ZNF480: variants seen among roughly 807,000 people sequenced by gnomAD.
The protein encoded by ZNF480 is zinc finger protein 480.
ZNF480 carries 15 observed loss-of-function variants against 14.4 expected under a neutral mutation model. The observed-to-expected ratio is 1.04, with a 90% CI of 0.70 to 1.60. The LOEUF is 1.60. Among genes scored for constraint, ZNF480 ranks in the 40% most tolerant of loss-of-function variants. The pLI, the probability that ZNF480 is intolerant of heterozygous loss-of-function variation, is 0.00. For synonymous variants in ZNF480, 218 were observed against 215.5 expected (o/e 1.01, Z -0.10); for missense variants, 593 against 629.7 (o/e 0.94, Z 0.62).
At chr19:52,298,381 C>T (rs1217731475) in intron 1 of ZNF480, among the ~76,000 whole-genome samples, 3 of 152,108 alleles carry the variant, frequency 2.0e-5, no homozygotes, top group East Asian at 3.9e-4. Flanking sequence ...GCCTGTAATC[C>T]CAGCACTTTG....
chr19:52,314,126 G>T (rs1248500188), intron 2 of ZNF480, 27 bp from the exon 3 acceptor site: 1 of 1,544,224 alleles, frequency 6.5e-7, no homozygotes, highest in Non-Finnish European at 8.8e-7. Context: ...TACATATCCT[G>T]TTGGTGAAAT....
intron 2 of ZNF480, among the ~76,000 whole-genome samples, chr19:52,310,645 G>T (rs1458475037): frequency 6.6e-6 from 1 of 151,744 alleles, no homozygotes; most frequent in African/African-American, 2.4e-5. Context: ...TAATGATATG[G>T]TTGTTTTTGT....
At chr19:52,308,409 C>T (rs1026207944) in intron 2 of ZNF480, among the ~76,000 whole-genome samples, 9 of 149,836 alleles carry the variant, frequency 6.0e-5, no homozygotes, top group Non-Finnish European at 1.2e-4. Context: ...CTGGTTCAAG[C>T]AATTCTTGTG....
chr19:52,321,458 A>G lies in ZNF480; in HGVS notation c.329-121A>G, dbSNP rs1983805536. On this transcript the variant is annotated intron_variant, in intron 4 of 4. Coordinates refer to ENST00000595962, the MANE Select transcript of ZNF480 (RefSeq NM_144684.4). ...TTTCAGCACAACCAGCGTGATGTACAAAGTGTGCTGATATTTCTTCCAATG... is the reference window on the plus strand; with the variant it reads ...TTTCAGCACAACCAGCGTGATGTACGAAGTGTGCTGATATTTCTTCCAATG... 3.6e-6 allele frequency: 3 copies of G among 829,626 alleles called. No individual in the cohort carries two copies. In the African/African-American group the frequency reaches 5.2e-5, roughly 14 times the overall value. 51.4% of individuals were successfully genotyped at this position (829,626 alleles called of 1,614,324 possible). A position where few individuals can be genotyped will look rare whatever the true frequency, so the allele number is the denominator to read the frequency against.
At position 52,312,595 on chromosome 19, in the gene ZNF480, G is replaced by A. The variant is rs570888839; in HGVS notation, c.73-1558G>A. 2.5e-3 allele frequency among the ~76,000 whole-genome samples: 380 copies of A among 152,232 alleles called. 2 individuals are homozygous for A. The highest frequency in any genetic ancestry group is 0.015 in the South Asian group (71 of 4,816). On this transcript the variant is annotated intron_variant, in intron 2 of 4. Coordinates refer to ENST00000595962, the MANE Select transcript of ZNF480 (RefSeq NM_144684.4). ...TTTGGTTTGGTTCTAATGCCCGGAC[G>A]CCTGGGATCTGGTGCTTACTTTGCT...
Position 52,308,776 on chromosome 19 carries a change from T to C in ZNF480, c.73-5377T>C, listed in dbSNP as rs151046317. 536 of 148,908 alleles carry C rather than the reference T, an allele frequency of 3.6e-3. 2 individuals are homozygous for C. The highest frequency in any genetic ancestry group is 0.012 in the African/African-American group (499 of 40,662). 9.2% of individuals were successfully genotyped at this position (148,908 alleles called of 1,614,324 possible). A position where few individuals can be genotyped will look rare whatever the true frequency, so the allele number is the denominator to read the frequency against. On this transcript the variant is annotated intron_variant, in intron 2 of 4. Transcript: ENST00000595962. ...CAGCTGTGTTAAGCAAAAAATGTGA[T>C]AATTTTGCTCAGAGATTGGAGCAGA...
intron 4 of ZNF480, among the ~76,000 whole-genome samples, chr19:52,317,807 A>C (rs953827222): frequency 1.3e-5 from 2 of 152,178 alleles, no homozygotes; most frequent in Non-Finnish European, 2.9e-5. Flanking sequence ...CAGTGGCACA[A>C]AATTCTCCTA....
At chr19:52,301,526 GACTA>G (rs1181977977) in intron 2 of ZNF480, 3 of 152,164 alleles carry the variant, frequency 2.0e-5, no homozygotes, top group Non-Finnish European at 2.9e-5. Context: ...CTATATTCTA[GACTA>G]ACTACTTGAT....
rs564187502 is a variant in ZNF480, at chr19:52,320,497, C to T, written c.329-1082C>T. ...ACGAGCCCTTGTCTCTAAAAGAACA[C>T]AGAAAAAACTTGCTGAGGCTGGATG... On this transcript the variant is annotated intron_variant, in intron 4 of 4. Coordinates refer to ENST00000595962, the MANE Select transcript of ZNF480 (RefSeq NM_144684.4). Among the ~76,000 whole-genome samples, 18 of 152,226 alleles carry T rather than the reference C, an allele frequency of 1.2e-4. No homozygotes were observed. The South Asian group carries it at 1.7e-3, about 14-fold the overall frequency.
chr19:52,322,506 G>T lies in ZNF480; in HGVS notation c.1256G>T (p.Arg419Ile). Residue 419 changes from arginine to isoleucine, a missense_variant, in exon 5 of 5, where the codon AGA becomes ATA. Transcript: ENST00000595962. Reference protein sequence around the residue: ...NQLSNLARHRRIHTGEKPYKC... With the variant: ...NQLSNLARHRIIHTGEKPYKC... ...CTTTCAAATCTTGCACGACATCGAA[G>T]AATTCATACTGGAGAGAAGCCTTAC... 3 of 1,613,910 alleles carry T rather than the reference G, an allele frequency of 1.9e-6. No homozygotes were observed. Among genetic ancestry groups the T allele is most frequent in the African/African-American group, 2.7e-5 (2 of 74,988 alleles).
At chr19:52,312,509 A>C (rs960932247) in intron 2 of ZNF480, among the ~76,000 whole-genome samples, 1 of 152,036 alleles carries the variant, frequency 6.6e-6, no homozygotes, top group Admixed American at 6.6e-5. Context: ...ACTTGTTTTA[A>C]CTTTTTTCTT....
chr19:52,323,886 G>A lies in ZNF480; in HGVS notation c.*1028G>A, dbSNP rs946696803. ...CTGGAAGCATTCCCCTTGAGAACTG[G>A]AAAATGACAGGGATGACCACTCTCA... is the stretch of plus-strand genomic sequence containing the variant. On this transcript the variant is annotated 3_prime_UTR_variant, in exon 5 of 5. Coordinates refer to ENST00000595962, the MANE Select transcript of ZNF480 (RefSeq NM_144684.4). 3 of 152,096 alleles carry A rather than the reference G, an allele frequency of 2.0e-5. No individual in the cohort carries two copies. The highest frequency in any genetic ancestry group is 2.9e-5 in the Non-Finnish European group (2 of 68,010). The allele number at this position is 152,096 out of a possible 1,614,324, so 9.4% of individuals were successfully genotyped here. A position where few individuals can be genotyped will look rare whatever the true frequency, so the allele number is the denominator to read the frequency against.
chr19:52,304,624 C>T (rs896738338), intron 2 of ZNF480, among the ~76,000 whole-genome samples: 1 of 151,940 alleles, frequency 6.6e-6, no homozygotes, highest in African/African-American at 2.4e-5. Flanking sequence ...GGAATTTTGT[C>T]CTTCTGCTTG....
At chr19:52,298,194 G>A (rs1211722063) in intron 1 of ZNF480, among the ~76,000 whole-genome samples, 1 of 152,118 alleles carries the variant, frequency 6.6e-6, no homozygotes, top group Non-Finnish European at 1.5e-5. Flanking sequence ...GGGACAGCAA[G>A]AGGAGTCAGC....
In ZNF480 at chr19:52,322,248, A is replaced by T. The variant is rs769348735; in HGVS notation, c.998A>T (p.His333Leu). 1 of 1,614,024 alleles carries T rather than the reference A, an allele frequency of 6.2e-7. No homozygotes were observed. Among genetic ancestry groups the T allele is most frequent in the Non-Finnish European group, 8.5e-7 (1 of 1,180,008 alleles). ...GFSHKSSLAN[H>L]WRIYTGEKPY... The stretch of plus-strand genomic sequence containing the variant: ...AGTCATAAGTCATCTCTAGCAAATC[A>T]TTGGAGAATTTATACTGGAGAGAAG... Residue 333 changes from histidine to leucine, a missense_variant, in exon 5 of 5, where the codon CAT becomes CTT. Coordinates refer to ENST00000595962, the MANE Select transcript of ZNF480 (RefSeq NM_144684.4).
chr19:52,314,381 A>T, intron 3 of ZNF480, 102 bp downstream of exon 3: 1 of 1,167,424 alleles, frequency 8.6e-7, no homozygotes, highest in Non-Finnish European at 1.1e-6. Context: ...GACTGACATT[A>T]AGCAGGAGAA....
At chr19:52,314,005 A>G in intron 2 of ZNF480, 148 bp from the exon 3 acceptor site, 1 of 881,668 alleles carries the variant, frequency 1.1e-6, no homozygotes, top group Non-Finnish European at 1.6e-6. Flanking sequence ...ACACATTTAC[A>G]GACACATAAC....
intron 2 of ZNF480, among the ~76,000 whole-genome samples, chr19:52,310,803 A>G (rs1004499803): frequency 2.6e-5 from 4 of 151,668 alleles, no homozygotes; most frequent in Non-Finnish European, 4.4e-5. Context: ...GATCGAGACC[A>G]TCCTGGCTAA....
chr19:52,321,531 A>C, intron 4 of ZNF480, 48 bp from the exon 5 acceptor site: 1 of 1,481,130 alleles, frequency 6.8e-7, no homozygotes, highest in South Asian at 1.4e-5. Flanking sequence ...GACTCTAAAC[A>C]TGCCAGAATT....
Sources: allele counts gnomAD v4.1 joint callset (sites outside exome capture counted in the v4.1 genomes callset), GRCh38; gene constraint gnomAD v4.1.1; transcripts MANE v1.5; gene names NCBI Gene and HGNC (gene_info 2026-07-23, HGNC 2026-07-21).